SMOC1: variants seen among roughly 807,000 people sequenced by gnomAD.
SMOC1 encodes the protein SPARC-related modular calcium-binding protein 1.
SMOC1 carries 22 observed loss-of-function variants against 56.3 expected under a neutral mutation model. The observed-to-expected ratio is 0.39, with a 90% CI of 0.28 to 0.56. The LOEUF is 0.56. Ranked by LOEUF, SMOC1 falls within the 20% of genes least tolerant of loss-of-function variation. The pLI is 0.61. For missense variants in SMOC1, 509 were observed against 565.4 expected, an observed-to-expected ratio of 0.90 and a Z score of 1.01; for synonymous variants, 193 against 215.0, an observed-to-expected ratio of 0.90 and a Z score of 0.89.
intron 4 of SMOC1, among the ~76,000 whole-genome samples, chr14:69,976,806 A>G (rs917254459): frequency 6.6e-6 from 1 of 152,262 alleles, no homozygotes; most frequent in Non-Finnish European, 1.5e-5. Context: ...ATAAAACATT[A>G]TGCTAAAACC....
chr14:69,994,468 A>G lies in SMOC1; in HGVS notation c.652A>G (p.Ile218Val), dbSNP rs765566276. Reference sequence around the variant, plus strand: ...GGACTCCAAACTGAACAACACCAACATAAGAAATTCAGGTAAATAACCTTC... The same window carrying G: ...GGACTCCAAACTGAACAACACCAACGTAAGAAATTCAGGTAAATAACCTTC... ...IKDSKLNNTN[I>V]RNSEKVYSCD... The change falls in exon 7 of 12, where the codon ATA becomes GTA. Residue 218 changes from isoleucine (I) to valine (V), a missense_variant. Physicochemically the swap from Ile to Val is conservative, Grantham distance 29. Around this residue, in one of 3 missense-constraint regions of SMOC1, gnomAD observed 315 missense variants for 333.1 expected, o/e 0.95. Transcript: ENST00000361956. 3.1e-6 allele frequency: 5 copies of G among 1,613,062 alleles called. No homozygotes were observed. The East Asian group carries it at 6.7e-5, about 22-fold the overall frequency.
intron 1 of SMOC1, among the ~76,000 whole-genome samples, chr14:69,888,838 T>C (rs532906264): frequency 2.1e-4 from 32 of 152,240 alleles, no homozygotes; most frequent in African/African-American, 7.2e-4. Flanking sequence ...GCCAAACCCC[T>C]GGGGAGAGGA....
chr14:69,970,679 TC>T (rs1883729748), intron 3 of SMOC1, among the ~76,000 whole-genome samples: 1 of 152,170 alleles, frequency 6.6e-6, no homozygotes, highest in South Asian at 2.1e-4. Context: ...GTGTTGTTCA[TC>T]TGTCGGCCCC....
At position 70,028,822 on chromosome 14, in the gene SMOC1, C is replaced by T. The variant is rs114138406; in HGVS notation, c.1292-1420C>T. 3.1e-3 allele frequency among the ~76,000 whole-genome samples: 471 copies of T among 152,252 alleles called. 1 individual carries two copies. Among genetic ancestry groups the T allele is most frequent in the African/African-American group, 0.011 (443 of 41,546 alleles). On this transcript the variant is annotated intron_variant, in intron 11 of 11. Transcript: ENST00000361956. ...TCCTCCTCTGTAAAATTGGATAAAC[C>T]GATATCCACCCCACGCCCACTCCAC...
rs186469711 is a variant in SMOC1, at chr14:69,932,394, C to A, written c.100-19744C>A. 1.4e-3 allele frequency among the ~76,000 whole-genome samples: 217 copies of A among 152,292 alleles called. 3 individuals carry two copies. Among genetic ancestry groups the A allele is most frequent in the African/African-American group, 4.8e-3 (198 of 41,554 alleles). ...TTCCGGGACTTTACTACCACGCCAC[C>A]CTCAGCCCCACATGCCTCCTCCTGT... On this transcript the variant is annotated intron_variant, in intron 1 of 11. Transcript: ENST00000361956.
chr14:69,937,563 C>T (rs1307634680), intron 1 of SMOC1, among the ~76,000 whole-genome samples: 1 of 152,164 alleles, frequency 6.6e-6, no homozygotes, highest in Non-Finnish European at 1.5e-5. Context: ...AACAGCCTCA[C>T]AGTTGTGCGA....
At chr14:69,962,250 C>T (rs1370891017) in intron 3 of SMOC1, among the ~76,000 whole-genome samples, 1 of 152,074 alleles carries the variant, frequency 6.6e-6, no homozygotes, top group African/African-American at 2.4e-5. Context: ...GCAACCTCTG[C>T]CTCCTGCATT....
chr14:69,951,393 G>T (rs992023594), intron 1 of SMOC1, among the ~76,000 whole-genome samples: 2 of 152,198 alleles, frequency 1.3e-5, no homozygotes, highest in African/African-American at 2.4e-5. Context: ...TATGCGTCTT[G>T]GAGGTTCACA....
At position 70,023,460 on chromosome 14, in the gene SMOC1, C is replaced by G. The variant is rs569017043; in HGVS notation, c.1291+13C>G. On this transcript the variant is annotated intron_variant, in intron 11 of 11. Transcript: ENST00000361956. ...GTTAGCAAAGAAGGTGAGTGCTCTC[C>G]CCTGTGCTCCTGGCCTTTCAATACT... 2.5e-6 allele frequency: 4 copies of G among 1,613,804 alleles called. No homozygotes were observed. In the South Asian group the frequency reaches 4.4e-5, roughly 18 times the overall value.
intron 1 of SMOC1, among the ~76,000 whole-genome samples, chr14:69,926,717 A>G (rs1323067854): frequency 1.3e-5 from 2 of 152,198 alleles, no homozygotes; most frequent in Non-Finnish European, 1.5e-5. Flanking sequence ...ATCAGGGATG[A>G]AGCTTGCTGG....
chr14:69,921,926 G>C (rs1407523682), intron 1 of SMOC1, among the ~76,000 whole-genome samples: 1 of 152,224 alleles, frequency 6.6e-6, no homozygotes, highest in Non-Finnish European at 1.5e-5. Flanking sequence ...GAAGTGCTCT[G>C]GATGAATTGG....
At chr14:69,966,981 C>T (rs1883600123) in intron 3 of SMOC1, among the ~76,000 whole-genome samples, 1 of 152,194 alleles carries the variant, frequency 6.6e-6, no homozygotes, top group South Asian at 2.1e-4. Flanking sequence ...TTTGCCAAGG[C>T]CCTTCTTATA....
At chr14:69,981,051 G>C (rs959904267) in intron 5 of SMOC1, among the ~76,000 whole-genome samples, 3 of 151,374 alleles carry the variant, frequency 2.0e-5, no homozygotes, top group African/African-American at 7.3e-5. Context: ...TTCTCTGAAG[G>C]AGAGGAGGAG....
chr14:69,976,270 A>G (rs71423384), intron 4 of SMOC1, among the ~76,000 whole-genome samples: 19,419 of 152,004 alleles, frequency 0.13, 1,543 homozygotes, highest in Middle Eastern at 0.18. Context: ...TATACTCACC[A>G]CCCCTGAAGA....
At chr14:69,940,717 T>C (rs1029343037) in intron 1 of SMOC1, among the ~76,000 whole-genome samples, 8 of 152,216 alleles carry the variant, frequency 5.3e-5, no homozygotes, top group African/African-American at 1.9e-4. Context: ...TTGTGGCTCC[T>C]TGTTAATACC....
chr14:69,963,020 C>T (rs1883440579), intron 3 of SMOC1, among the ~76,000 whole-genome samples: 2 of 152,178 alleles, frequency 1.3e-5, no homozygotes, highest in Admixed American at 6.5e-5. Context: ...TCTTGGTCCT[C>T]TCATCAAAAA....
chr14:69,918,888 A>T (rs1270487358), intron 1 of SMOC1, among the ~76,000 whole-genome samples: 1 of 152,304 alleles, frequency 6.6e-6, no homozygotes, highest in East Asian at 1.9e-4. Flanking sequence ...TCCTCACAAG[A>T]TCACATACAA....
intron 1 of SMOC1, among the ~76,000 whole-genome samples, chr14:69,944,142 G>T (rs1031558202): frequency 6.6e-6 from 1 of 152,206 alleles, no homozygotes; most frequent in Non-Finnish European, 1.5e-5. Flanking sequence ...TCTGCCCTCA[G>T]GGAGCTTACA....
chr14:70,014,476 G>C (rs553552870), intron 10 of SMOC1, among the ~76,000 whole-genome samples: 1 of 152,348 alleles, frequency 6.6e-6, no homozygotes, highest in African/African-American at 2.4e-5. Context: ...CTCCAAGAAA[G>C]TGCATGTCTG....
Sources: allele counts gnomAD v4.1 joint callset (sites outside exome capture counted in the v4.1 genomes callset), GRCh38; gene constraint gnomAD v4.1.1; regional missense constraint gnomAD v4.1.1; transcripts MANE v1.5; gene names NCBI Gene and HGNC (gene_info 2026-07-23, HGNC 2026-07-21).